Variants in ST18 observed in about 807,000 individuals in gnomAD.
ST18 encodes suppression of tumorigenicity 18 protein.
A neutral mutation model predicts 110.0 loss-of-function variants in ST18; 50 were observed. The observed-to-expected ratio is 0.45, with a 90% CI of 0.36 to 0.58. ST18 has a LOEUF of 0.58. Among genes scored for constraint, ST18 ranks in the 20% least tolerant of loss-of-function variants. The pLI is 0.00. For synonymous variants in ST18, 461 were observed against 452.4 expected (o/e 1.02, Z -0.24); for missense variants, 1,306 against 1,280.1 (o/e 1.02, Z -0.31).
intron 10 of ST18, among the ~76,000 whole-genome samples, chr8:52,170,451 T>A (rs2064465929): frequency 8.9e-6 from 1 of 112,048 alleles, no homozygotes; most frequent in Admixed American, 7.8e-5. Context: ...AACTCAAAAA[T>A]CAATAAATAA....
At chr8:52,264,938 C>T (rs771361548) in intron 2 of ST18, among the ~76,000 whole-genome samples, 1 of 152,170 alleles carries the variant, frequency 6.6e-6, no homozygotes, top group Non-Finnish European at 1.5e-5. Flanking sequence ...CCAAATACTC[C>T]TCTCTAGTCT....
At chr8:52,244,190 C>T (rs984142425) in intron 2 of ST18, among the ~76,000 whole-genome samples, 6 of 152,084 alleles carry the variant, frequency 3.9e-5, no homozygotes, top group East Asian at 1.9e-4. Flanking sequence ...GGTCAGTACA[C>T]GATTTATACC....
intron 2 of ST18, among the ~76,000 whole-genome samples, chr8:52,364,682 C>T (rs1827131188): frequency 6.6e-6 from 1 of 152,170 alleles, no homozygotes; most frequent in African/African-American, 2.4e-5. Flanking sequence ...GTTTAATCAT[C>T]TTTTCTTGCT....
chr8:52,240,662 T>A (rs976479324), intron 2 of ST18, among the ~76,000 whole-genome samples: 12 of 152,220 alleles, frequency 7.9e-5, no homozygotes, highest in African/African-American at 2.4e-4. Context: ...TATATTACTA[T>A]CTCTGTTTTT....
chr8:52,124,715 T>C lies in ST18; in HGVS notation c.2755+1337A>G, dbSNP rs933655235. On this transcript the variant is annotated intron_variant, in intron 23 of 25. Coordinates refer to ENST00000689386, the MANE Select transcript of ST18 (RefSeq NM_001352837.2). ...GGAAAGACTGGAAGAGGCAGGCCTG[T>C]CCCCAGCAGCCAGGGCTTTATTTCT... Among the ~76,000 whole-genome samples, 3 of 152,042 alleles carry C rather than the reference T, an allele frequency of 2.0e-5. No individual in the cohort carries two copies. In the East Asian group the frequency reaches 5.8e-4, roughly 29 times the overall value.
At chr8:52,210,229 C>T (rs2081690554) in intron 8 of ST18, 2 of 415,726 alleles carry the variant, frequency 4.8e-6, no homozygotes, top group African/African-American at 2.1e-5. Flanking sequence ...TAAATAAAGC[C>T]TCCAGAAATA....
At chr8:52,345,934 G>T (rs1000853611) in intron 2 of ST18, among the ~76,000 whole-genome samples, 3 of 151,994 alleles carry the variant, frequency 2.0e-5, no homozygotes, top group African/African-American at 7.2e-5. Flanking sequence ...ACAAAGAAAA[G>T]TTATACTTTC....
chr8:52,203,478 C>G lies in ST18; in HGVS notation c.86+8601G>C, dbSNP rs375058046. 1.6e-4 allele frequency among the ~76,000 whole-genome samples: 25 copies of G among 152,192 alleles called. No homozygotes were observed. In the South Asian group the frequency reaches 2.9e-3, roughly 18 times the overall value. On this transcript the variant is annotated intron_variant, in intron 8 of 25. Transcript: ENST00000689386. Reference sequence around the variant, plus strand: ...ACCATTGTGAGGAAATATTGGAAACCAGAGCACATGATATTTGGATTGTAG... The same window carrying G: ...ACCATTGTGAGGAAATATTGGAAACGAGAGCACATGATATTTGGATTGTAG...
intron 2 of ST18, among the ~76,000 whole-genome samples, chr8:52,324,483 T>G (rs562168644): frequency 1.9e-4 from 29 of 152,172 alleles, no homozygotes; most frequent in African/African-American, 6.3e-4. Context: ...AAAGGTACTT[T>G]GAAGGATGGA....
intron 2 of ST18, among the ~76,000 whole-genome samples, chr8:52,263,385 A>G (rs1486475168): frequency 1.3e-5 from 2 of 152,146 alleles, no homozygotes; most frequent in African/African-American, 4.8e-5. Context: ...GAAGTTATCA[A>G]ATGCAAGTGC....
At chr8:52,308,642 C>G (rs758546820) in intron 2 of ST18, among the ~76,000 whole-genome samples, 17 of 152,194 alleles carry the variant, frequency 1.1e-4, no homozygotes, top group Non-Finnish European at 2.1e-4. Context: ...TCACATGCCC[C>G]CTTCCTGAAA....
At chr8:52,191,643 G>T in intron 8 of ST18, among the ~76,000 whole-genome samples, 1 of 152,214 alleles carries the variant, frequency 6.6e-6, no homozygotes, top group East Asian at 1.9e-4. Context: ...TCTGAGTTCA[G>T]TGTGAAGTTG....
intron 2 of ST18, among the ~76,000 whole-genome samples, chr8:52,258,696 C>T (rs2094595343): frequency 6.6e-6 from 1 of 152,128 alleles, no homozygotes; most frequent in Non-Finnish European, 1.5e-5. Flanking sequence ...TTGCTACTTC[C>T]TTTCCAATCC....
intron 16 of ST18, among the ~76,000 whole-genome samples, chr8:52,143,401 C>T (rs992304460): frequency 2.0e-5 from 3 of 152,006 alleles, no homozygotes; most frequent in Non-Finnish European, 2.9e-5. Context: ...AGGAGAATTG[C>T]GTGAACCCGG....
At chr8:52,362,253 G>T (rs1229361514) in intron 2 of ST18, among the ~76,000 whole-genome samples, 1 of 152,124 alleles carries the variant, frequency 6.6e-6, no homozygotes, top group Non-Finnish European at 1.5e-5. Context: ...AAGGTACATT[G>T]CATAAATATA....
chr8:52,409,040 T>A (rs1292306885), intron 2 of ST18: 1 of 152,258 alleles, frequency 6.6e-6, no homozygotes, highest in African/African-American at 2.4e-5. Context: ...ATACATTGAC[T>A]TTTTCGCAGA....
At chr8:52,368,354 A>T (rs994221223) in intron 2 of ST18, among the ~76,000 whole-genome samples, 1 of 152,260 alleles carries the variant, frequency 6.6e-6, no homozygotes, top group Non-Finnish European at 1.5e-5. Context: ...GAATAACAAC[A>T]AAATTTGGAG....
chr8:52,175,840 C>A (rs1724466215), intron 9 of ST18, among the ~76,000 whole-genome samples: 1 of 152,140 alleles, frequency 6.6e-6, no homozygotes. Context: ...CCATGCTCTG[C>A]CCTCTGAAAC....
intron 2 of ST18, among the ~76,000 whole-genome samples, chr8:52,257,364 T>C (rs2094558024): frequency 1.3e-5 from 2 of 152,304 alleles, no homozygotes; most frequent in South Asian, 2.1e-4. Flanking sequence ...TGCTAAATAG[T>C]TTTTCAATGT....
Sources: gnomAD v4.1 joint callset for allele counts (sites outside exome capture counted in the v4.1 genomes callset) on GRCh38, gnomAD v4.1.1 for gene constraint, MANE v1.5 for transcripts, NCBI Gene and HGNC (gene_info 2026-07-23, HGNC 2026-07-21) for gene names.